The following NINJ2 variants were observed in gnomAD, a reference collection of about 807,000 sequenced individuals.
NINJ2 encodes ninjurin 2, also known as ninjurin-2.
NINJ2 carries 12 observed loss-of-function variants against 11.7 expected under a neutral mutation model. That is an observed-to-expected ratio of 1.02 (90% confidence interval 0.66 to 1.66). The LOEUF is 1.66. Ranked by LOEUF, NINJ2 falls within the 40% of genes most tolerant of loss-of-function variation. The probability of loss-of-function intolerance (pLI) is 0.00; values close to 1 mark genes in which losing one functional copy is unlikely to be tolerated. For missense variants in NINJ2, 187 were observed against 181.8 expected (o/e 1.03, Z -0.16); for synonymous variants, 93 against 76.8 (o/e 1.21, Z -1.10).
At chr12:643,696 C>G in intron 1 of NINJ2, 1 of 988,016 alleles carries the variant, frequency 1.0e-6, no homozygotes, top group Non-Finnish European at 1.2e-6. Flanking sequence ...CTCACCGCAA[C>G]GAGTCTGCCA....
chr12:653,950 C>T (rs995138565), intron 1 of NINJ2, among the ~76,000 whole-genome samples: 1 of 152,276 alleles, frequency 6.6e-6, no homozygotes, highest in Non-Finnish European at 1.5e-5. Flanking sequence ...TGTAACCCAG[C>T]ACTTTAGGAG....
intron 1 of NINJ2, among the ~76,000 whole-genome samples, chr12:584,040 C>T (rs1291113408): frequency 2.0e-5 from 3 of 149,254 alleles, no homozygotes; most frequent in Non-Finnish European, 4.4e-5. Flanking sequence ...TCTAATTTTT[C>T]TTCAATGAAC....
intron 1 of NINJ2, among the ~76,000 whole-genome samples, chr12:599,530 A>G (rs7295886): frequency 0.37 from 56,890 of 152,006 alleles, 11,995 homozygotes; most frequent in Non-Finnish European, 0.49. Flanking sequence ...AGCAGCGTGT[A>G]AGACCTCACA....
intron 1 of NINJ2, among the ~76,000 whole-genome samples, chr12:648,891 C>T (rs990822616): frequency 1.3e-4 from 20 of 152,092 alleles, no homozygotes; most frequent in Non-Finnish European, 2.6e-4. Context: ...ACACTGTTTT[C>T]GGCACTAGAA....
chr12:585,353 G>A lies in NINJ2; in HGVS notation c.34-19175C>T, dbSNP rs1026749845. On this transcript the variant is annotated intron_variant, in intron 1 of 3. Transcript: ENST00000305108. The surrounding 1 kb of genome is among the most constrained non-coding windows in gnomAD (Gnocchi z 4.1). ...GTCCATACCAACTTCCGGAATAAAC[G>A]AGGCCAAAGGGAAAGAGTAGGTTCG... 5.9e-5 allele frequency among the ~76,000 whole-genome samples: 9 copies of A among 152,180 alleles called. No individual in the cohort carries two copies. The highest frequency in any genetic ancestry group is 3.3e-4 in the Admixed American group (5 of 15,270).
chr12:658,646 TTATGCTATGCTATGCTATGC>T (rs141722591), intron 1 of NINJ2, among the ~76,000 whole-genome samples: 48,125 of 130,612 alleles, frequency 0.37, 9,232 homozygotes, highest in East Asian at 0.41. Flanking sequence ...AACTTCTCTA[TTATGCTATGCTATGCTATGC>T]TATGCTATGC....
chr12:613,527 TG>T, intron 1 of NINJ2, among the ~76,000 whole-genome samples: 1 of 152,108 alleles, frequency 6.6e-6, no homozygotes, highest in Non-Finnish European at 1.5e-5. Flanking sequence ...GAGAATTGCT[TG>T]AACTTAGGAG....
chr12:584,254 T>G (rs949154994), intron 1 of NINJ2, among the ~76,000 whole-genome samples: 1 of 152,230 alleles, frequency 6.6e-6, no homozygotes, highest in South Asian at 2.1e-4. Context: ...GAGAATCGTT[T>G]CCTGGCCAGG....
intron 1 of NINJ2, among the ~76,000 whole-genome samples, chr12:654,469 C>T (rs1565650023): frequency 6.7e-6 from 1 of 148,974 alleles, no homozygotes; most frequent in Non-Finnish European, 1.5e-5. Context: ...TGCGGTGAGC[C>T]GAGATCATGC....
intron 1 of NINJ2, among the ~76,000 whole-genome samples, chr12:593,196 A>C (rs1188858620): frequency 6.6e-6 from 1 of 152,226 alleles, no homozygotes; most frequent in Non-Finnish European, 1.5e-5. Context: ...GGGTGTAATG[A>C]CTACATTGTT....
intron 1 of NINJ2, among the ~76,000 whole-genome samples, chr12:624,188 A>G (rs4980952): frequency 0.97 from 148,273 of 152,328 alleles, 72,295 homozygotes; most frequent in East Asian, 1. Flanking sequence ...ATGTTACCCC[A>G]CTGGGTTCAA....
chr12:661,850 C>T (rs74515234), intron 1 of NINJ2, among the ~76,000 whole-genome samples: 7,999 of 152,268 alleles, frequency 0.053, 305 homozygotes, highest in Non-Finnish European at 0.082. Context: ...TTCCTCAACT[C>T]ATTCATTTAA....
chr12:614,190 C>T lies in NINJ2; in HGVS notation c.34-48012G>A, dbSNP rs1335204599. 6.6e-6 allele frequency among the ~76,000 whole-genome samples: 1 copy of T among 152,210 alleles called. No individual in the cohort carries two copies. Among genetic ancestry groups the T allele is most frequent in the African/African-American group, 2.4e-5 (1 of 41,444 alleles). On this transcript the variant is annotated intron_variant, in intron 1 of 3. Transcript: ENST00000305108. This position sits in a 1 kb window ranked among gnomAD's most constrained non-coding sequence, Gnocchi z 5.1. Reference sequence around the variant, plus strand: ...TCCTTAGCGATGGTTGCTGCCTTGACTTTCCAGCCTTCTCCACAGGCACCT... The same window carrying T: ...TCCTTAGCGATGGTTGCTGCCTTGATTTTCCAGCCTTCTCCACAGGCACCT...
At position 566,029 on chromosome 12, in the gene NINJ2, G is replaced by C; in HGVS notation, c.183C>G (p.His61Gln). 1.2e-6 allele frequency: 2 copies of C among 1,614,232 alleles called. No individual in the cohort carries two copies. Among genetic ancestry groups the C allele is most frequent in the Non-Finnish European group, 1.7e-6 (2 of 1,180,038 alleles). Residue 61 changes from histidine (H) to glutamine (Q), a missense_variant, in exon 2 of 4, where the codon CAC (histidine) becomes CAG (glutamine). Transcript: ENST00000305108. ...TGAGGGTGACCAGGGTGGTGTAGTA[G>C]TGAGAGGATGGTCCCTGCTCCAGCA... The part of the protein sequence containing the change: ...KAVLEQGPSS[H>Q]YYTTLVTLIS...
chr12:607,052 T>C (rs1947950058), intron 1 of NINJ2, among the ~76,000 whole-genome samples: 1 of 152,180 alleles, frequency 6.6e-6, no homozygotes, highest in South Asian at 2.1e-4. Flanking sequence ...TTGTAATAAA[T>C]TCCACTTCTT....
At chr12:566,531 G>C (rs1427629150) in intron 1 of NINJ2, among the ~76,000 whole-genome samples, 2 of 152,152 alleles carry the variant, frequency 1.3e-5, no homozygotes, top group Non-Finnish European at 2.9e-5. Context: ...CTCAGCTTTG[G>C]GCTGTGTTCT....
chr12:567,656 A>C (rs1947319874), intron 1 of NINJ2, among the ~76,000 whole-genome samples: 1 of 152,150 alleles, frequency 6.6e-6, no homozygotes, highest in Non-Finnish European at 1.5e-5. Context: ...ATTTACACAT[A>C]GGCTAACTGA....
chr12:662,371 C>G (rs1450268891), intron 1 of NINJ2, among the ~76,000 whole-genome samples: 1 of 151,366 alleles, frequency 6.6e-6, no homozygotes, highest in Non-Finnish European at 1.5e-5. Context: ...GAGACTCTGC[C>G]AGACTCACGC....
chr12:623,041 T>A (rs1565639077), intron 1 of NINJ2, among the ~76,000 whole-genome samples: 1 of 152,208 alleles, frequency 6.6e-6, no homozygotes, highest in Admixed American at 6.5e-5. Flanking sequence ...AAAATGCTGT[T>A]GTAGGCTTCT....
Sources: allele counts gnomAD v4.1 joint callset (sites outside exome capture counted in the v4.1 genomes callset), GRCh38; gene constraint gnomAD v4.1.1; non-coding constraint Gnocchi (gnomAD v3.1); transcripts MANE v1.5; gene names NCBI Gene and HGNC (gene_info 2026-07-23, HGNC 2026-07-21).